Variants in GPC4 observed in about 807,000 individuals in gnomAD.
GPC4 encodes glypican 4, also known as glypican-4.
Under a neutral mutation model 35.0 loss-of-function variants are expected in GPC4, and 10 were observed. The ratio of observed to expected loss-of-function variants is 0.29; its 90% confidence interval spans 0.18 to 0.48. GPC4 has a LOEUF of 0.48. GPC4 is among the 20% of genes least tolerant of loss of function. The pLI is 0.99. For synonymous variants in GPC4, 167 were observed against 170.2 expected (o/e 0.98, Z 0.15); for missense variants, 322 against 451.3 (o/e 0.71, Z 2.60).
rs369761253 is a variant in GPC4, at chrX:133,401,180, G to A, written c.160+13626C>T. On this transcript the variant is annotated intron_variant, in intron 1 of 8. Transcript: ENST00000370828. The stretch of plus-strand genomic sequence containing the variant: ...TGAGAAGAGAAGACCTCGTGGGCTG[G>A]CACAGGAGAAGGCAGATGTGCTCAT... Among the ~76,000 whole-genome samples the A allele has an allele frequency of 7.5e-4, 84 of 111,719 alleles. 1 individual carries two copies. In the East Asian group the frequency reaches 0.019, roughly 26 times the overall value.
At chrX:133,324,002 G>A (rs368321411) in intron 3 of GPC4, 143 bp downstream of exon 3, 7 of 529,562 alleles carry the variant, frequency 1.3e-5, no homozygotes, top group African/African-American at 1.2e-4. Flanking sequence ...CAGTGTGTGG[G>A]AGAGAAGAGG....
intron 3 of GPC4, among the ~76,000 whole-genome samples, chrX:133,312,263 C>A (rs546468509): frequency 9.0e-6 from 1 of 110,649 alleles, no homozygotes; most frequent in East Asian, 2.9e-4. Flanking sequence ...TGGGGAATTG[C>A]GGGAAATAAG....
chrX:133,407,549 G>C (rs1393862604), intron 1 of GPC4, among the ~76,000 whole-genome samples: 2 of 111,829 alleles, frequency 1.8e-5, no homozygotes, highest in Non-Finnish European at 3.8e-5. Flanking sequence ...AATCCCGAGA[G>C]ATCAATCAGG....
chrX:133,312,578 G>A (rs768349038), intron 3 of GPC4, among the ~76,000 whole-genome samples: 3 of 106,122 alleles, frequency 2.8e-5, no homozygotes, highest in Non-Finnish European at 5.8e-5. Flanking sequence ...GCAGCGAGCC[G>A]AGATCTCACC....
chrX:133,349,696 C>T (rs2068508505), intron 1 of GPC4, among the ~76,000 whole-genome samples: 1 of 112,292 alleles, frequency 8.9e-6, no homozygotes, highest in Admixed American at 9.4e-5. Context: ...ACATAGCTCA[C>T]TGCAGTCTCG....
At chrX:133,390,907 T>A (rs2068716715) in intron 1 of GPC4, among the ~76,000 whole-genome samples, 1 of 111,659 alleles carries the variant, frequency 9.0e-6, no homozygotes, top group East Asian at 2.8e-4. Context: ...GGCTTCCTGA[T>A]CCCCAAAGGC....
chrX:133,372,670 G>A (rs1469628899), intron 1 of GPC4, among the ~76,000 whole-genome samples: 1 of 112,075 alleles, frequency 8.9e-6, no homozygotes, highest in African/African-American at 3.2e-5. Context: ...GAGCATGCAC[G>A]TGTCTTACAA....
intron 4 of GPC4, among the ~76,000 whole-genome samples, chrX:133,308,092 G>T (rs2068298769): frequency 8.9e-6 from 1 of 112,186 alleles, no homozygotes; most frequent in Admixed American, 9.4e-5. Context: ...AGCCAAAGCT[G>T]CCTCTAACCC....
chrX:133,369,813 C>A (rs1452436301), intron 1 of GPC4, among the ~76,000 whole-genome samples: 1 of 110,838 alleles, frequency 9.0e-6, no homozygotes, highest in Non-Finnish European at 1.9e-5. Flanking sequence ...AAATATTGAA[C>A]CAAGGAATCT....
chrX:133,344,259 C>T (rs2068482130), intron 1 of GPC4, among the ~76,000 whole-genome samples: 1 of 59,757 alleles, frequency 1.7e-5, no homozygotes, highest in Non-Finnish European at 3.0e-5. Context: ...GAGTTTCGCT[C>T]CTGTTGCCCA....
intron 1 of GPC4, among the ~76,000 whole-genome samples, chrX:133,410,564 C>T (rs2068808361): frequency 8.9e-6 from 1 of 111,853 alleles, no homozygotes; most frequent in South Asian, 3.8e-4. Context: ...AGTGCTAAAA[C>T]AGTTAATGTC....
chrX:133,385,642 A>T (rs761045691), intron 1 of GPC4, among the ~76,000 whole-genome samples: 1 of 111,847 alleles, frequency 8.9e-6, no homozygotes, highest in South Asian at 3.8e-4. Context: ...CCTCTCTGAG[A>T]TGCTTGTGAA....
At chrX:133,320,868 A>T (rs760226208) in intron 3 of GPC4, among the ~76,000 whole-genome samples, 1 of 108,426 alleles carries the variant, frequency 9.2e-6, no homozygotes, top group South Asian at 4.1e-4. Flanking sequence ...CCAACCAACA[A>T]CAACAACAAA....
intron 2 of GPC4, among the ~76,000 whole-genome samples, chrX:133,326,948 T>C (rs2068396675): frequency 8.9e-6 from 1 of 112,685 alleles, no homozygotes; most frequent in Non-Finnish European, 1.9e-5. Flanking sequence ...TGATTGCTCA[T>C]GGAGGGCATA....
At chrX:133,329,785 C>A (rs1435819155) in intron 2 of GPC4, among the ~76,000 whole-genome samples, 4 of 111,490 alleles carry the variant, frequency 3.6e-5, no homozygotes, top group Non-Finnish European at 7.5e-5. Context: ...CTTTCCAGTT[C>A]TAAAATCTAA....
At chrX:133,303,903 G>GAGGGAGGAAGGAAGGA (rs775171080) in intron 7 of GPC4, among the ~76,000 whole-genome samples, 2 of 75,403 alleles carry the variant, frequency 2.7e-5, no homozygotes, top group African/African-American at 1.1e-4. Flanking sequence ...TACTCTGTTG[G>GAGGGAGGAAGGAAGGA]AGGAAGGAAG....
At chrX:133,374,166 C>T (rs5977865) in intron 1 of GPC4, among the ~76,000 whole-genome samples, 2,166 of 111,376 alleles carry the variant, frequency 0.019, 61 homozygotes, top group African/African-American at 0.065. Context: ...TAGTGCTGAG[C>T]TGCAAGTGTT....
At chrX:133,360,878 T>C (rs1415943637) in intron 1 of GPC4, among the ~76,000 whole-genome samples, 2 of 112,133 alleles carry the variant, frequency 1.8e-5, no homozygotes, top group African/African-American at 6.5e-5. Context: ...ATTTATTAAA[T>C]GATTCTCATA....
At chrX:133,330,675 C>A (rs1430613841) in intron 2 of GPC4, among the ~76,000 whole-genome samples, 1 of 110,247 alleles carries the variant, frequency 9.1e-6, no homozygotes, top group Non-Finnish European at 1.9e-5. Context: ...TGGCCAGGTG[C>A]AGCAGCTCAC....
Sources: gnomAD v4.1 joint callset for allele counts (sites outside exome capture counted in the v4.1 genomes callset) on GRCh38, gnomAD v4.1.1 for gene constraint, MANE v1.5 for transcripts, NCBI Gene and HGNC (gene_info 2026-07-23, HGNC 2026-07-21) for gene names.